ZC3H12B: variants seen among roughly 807,000 people sequenced by gnomAD.
ZC3H12B encodes the protein zinc finger CCCH-type containing 12B, also known as probable ribonuclease ZC3H12B.
A neutral mutation model predicts 43.9 loss-of-function variants in ZC3H12B; 7 were observed. That is an observed-to-expected ratio of 0.16 (90% confidence interval 0.09 to 0.30). The LOEUF is 0.30. ZC3H12B is among the 10% of genes least tolerant of loss of function. ZC3H12B has a pLI of 1.00. For missense variants in ZC3H12B, 475 were observed against 670.2 expected (o/e 0.71, Z 3.22); for synonymous variants, 222 against 241.7 (o/e 0.92, Z 0.76).
intron 3 of ZC3H12B, among the ~76,000 whole-genome samples, chrX:65,402,559 C>A (rs1279259734): frequency 1.8e-5 from 2 of 111,947 alleles, no homozygotes; most frequent in Non-Finnish European, 3.8e-5. Flanking sequence ...CGGTCCTAGT[C>A]CTAGTGGTGA....
chrX:65,409,674 C>G (rs746461020), intron 3 of ZC3H12B, among the ~76,000 whole-genome samples: 2 of 109,964 alleles, frequency 1.8e-5, no homozygotes, highest in African/African-American at 3.3e-5. Flanking sequence ...ATTTCTACAT[C>G]CCAACAGTGA....
the ZC3H12B span, among the ~76,000 whole-genome samples, chrX:65,178,151 A>T: frequency 1.8e-5 from 2 of 112,219 alleles, no homozygotes; most frequent in Middle Eastern, 4.6e-3. Context: ...TGAGAAACAC[A>T]AGCAATGGGG....
chrX:65,142,050 A>G, the ZC3H12B span, among the ~76,000 whole-genome samples: 2 of 112,204 alleles, frequency 1.8e-5, no homozygotes, highest in Non-Finnish European at 3.8e-5. Context: ...TGCTGAATCA[A>G]GTGGTAGTTC....
upstream of ZC3H12B, among the ~76,000 whole-genome samples, chrX:65,365,362 T>A (rs994875042): frequency 4.5e-5 from 5 of 111,224 alleles, no homozygotes; most frequent in African/African-American, 1.3e-4. Context: ...CTTCTCTTAT[T>A]TGGGCCTTGT....
intron 3 of ZC3H12B, among the ~76,000 whole-genome samples, chrX:65,481,811 A>T (rs955870984): frequency 4.5e-5 from 5 of 112,196 alleles, no homozygotes; most frequent in Admixed American, 9.5e-5. Flanking sequence ...GACAACAAAC[A>T]GCATGTTAGT....
the ZC3H12B span, among the ~76,000 whole-genome samples, chrX:65,092,226 A>G: frequency 8.9e-6 from 1 of 111,985 alleles, no homozygotes; most frequent in South Asian, 3.7e-4. Context: ...ACCATGAGCT[A>G]ATTAAATATC....
intron 3 of ZC3H12B, among the ~76,000 whole-genome samples, chrX:65,443,199 C>G (rs577156726): frequency 9.0e-6 from 1 of 111,455 alleles, no homozygotes; most frequent in South Asian, 3.8e-4. Flanking sequence ...CATTGTTACC[C>G]TGACACTTCC....
chrX:65,451,041 G>A (rs1327105813), intron 3 of ZC3H12B, among the ~76,000 whole-genome samples: 1 of 107,527 alleles, frequency 9.3e-6, no homozygotes, highest in Non-Finnish European at 1.9e-5. Flanking sequence ...TCCACCTCCT[G>A]GGTTCAAGCG....
At chrX:65,425,196 C>G (rs750788603) in intron 3 of ZC3H12B, among the ~76,000 whole-genome samples, 8 of 111,256 alleles carry the variant, frequency 7.2e-5, no homozygotes, top group Non-Finnish European at 1.3e-4. Context: ...TTTGTTAGCT[C>G]TATTCCTAGG....
At chrX:65,146,972 C>T in the ZC3H12B span, among the ~76,000 whole-genome samples, 1 of 111,918 alleles carries the variant, frequency 8.9e-6, no homozygotes. Context: ...ATGATGCAAG[C>T]CTCCACATGC....
the ZC3H12B span, among the ~76,000 whole-genome samples, chrX:65,194,636 A>T: frequency 8.0e-5 from 9 of 112,096 alleles, no homozygotes; most frequent in African/African-American, 2.6e-4. Context: ...GAGGACAATC[A>T]TGTCTATTCT....
chrX:65,245,932 A>G, the ZC3H12B span, among the ~76,000 whole-genome samples: 2 of 111,582 alleles, frequency 1.8e-5, no homozygotes, highest in Admixed American at 1.9e-4. Flanking sequence ...TTAAAAAAAA[A>G]AAAGAAAGGG....
At chrX:65,098,981 G>A in the ZC3H12B span, among the ~76,000 whole-genome samples, 1 of 111,631 alleles carries the variant, frequency 9.0e-6, no homozygotes, top group Admixed American at 9.5e-5. Flanking sequence ...AGAACCACTG[G>A]CTTGAAATTC....
At chrX:65,241,023 G>T in the ZC3H12B span, among the ~76,000 whole-genome samples, 5 of 111,747 alleles carry the variant, frequency 4.5e-5, no homozygotes, top group African/African-American at 1.6e-4. Flanking sequence ...ACCCAGTCAG[G>T]AGAGACAGAA....
chrX:65,380,985 A>T (rs1016451595), intron 2 of ZC3H12B, among the ~76,000 whole-genome samples: 2 of 111,171 alleles, frequency 1.8e-5, no homozygotes, highest in Non-Finnish European at 3.8e-5. Context: ...AGAGACTTAG[A>T]CTCCCAAACA....
the ZC3H12B span, among the ~76,000 whole-genome samples, chrX:65,268,925 G>T: frequency 8.9e-6 from 1 of 112,142 alleles, no homozygotes; most frequent in Admixed American, 9.4e-5. Flanking sequence ...AAATTAGAAA[G>T]AAATGAAAGT....
the ZC3H12B span, among the ~76,000 whole-genome samples, chrX:65,232,686 G>A: frequency 9.0e-6 from 1 of 111,225 alleles, no homozygotes; most frequent in Non-Finnish European, 1.9e-5. Flanking sequence ...GGAAGAGAGT[G>A]CTAACAAAGC....
chrX:65,224,502 G>C, the ZC3H12B span, among the ~76,000 whole-genome samples: 8 of 112,679 alleles, frequency 7.1e-5, no homozygotes, highest in African/African-American at 2.3e-4. Context: ...CATCTCACTA[G>C]GGAGTGCCAG....
chrX:65,332,598 G>A, the ZC3H12B span, among the ~76,000 whole-genome samples: 7 of 111,197 alleles, frequency 6.3e-5, no homozygotes, highest in African/African-American at 3.3e-5. Context: ...ATACTGATCC[G>A]GATTTTTATA....
Sources: allele counts gnomAD v4.1 joint callset (sites outside exome capture counted in the v4.1 genomes callset), GRCh38; gene constraint gnomAD v4.1.1; transcripts MANE v1.5; gene names NCBI Gene and HGNC (gene_info 2026-07-23, HGNC 2026-07-21).